The following SPAG16 variants were observed in gnomAD, a reference collection of about 807,000 sequenced individuals.
SPAG16 encodes sperm-associated antigen 16 protein.
In SPAG16, 86 loss-of-function variants were observed where a neutral mutation model predicts 80.4. The ratio of observed to expected loss-of-function variants is 1.07; its 90% confidence interval spans 0.90 to 1.28. SPAG16 has a LOEUF of 1.28. SPAG16 is among the 50% of genes most tolerant of loss of function. The pLI is 0.00. For synonymous variants in SPAG16, 294 were observed against 265.9 expected, an observed-to-expected ratio of 1.11 and a Z score of -1.03; for missense variants, 870 against 765.3, an observed-to-expected ratio of 1.14 and a Z score of -1.61.
intron 1 of SPAG16, among the ~76,000 whole-genome samples, chr2:213,291,625 T>C (rs1319000557): frequency 1.3e-5 from 2 of 152,240 alleles, no homozygotes; most frequent in Non-Finnish European, 2.9e-5. Context: ...TTACCTGTTA[T>C]TAATATAACA....
chr2:214,117,935 C>A (rs2054021723), intron 14 of SPAG16, among the ~76,000 whole-genome samples: 2 of 152,146 alleles, frequency 1.3e-5, no homozygotes, highest in African/African-American at 2.4e-5. Flanking sequence ...CCTCTAAAAT[C>A]TGGACTAAGA....
At position 214,410,175 on chromosome 2, in the gene SPAG16, A is replaced by T; in HGVS notation, c.1756A>T (p.Ile586Phe). Reference sequence around the variant, plus strand: ...AGCTCAGGCAAGTGGCAATGGTGTTATCCATTTGCTAGATCTTAAATCTGG... The same window carrying T: ...AGCTCAGGCAAGTGGCAATGGTGTTTTCCATTTGCTAGATCTTAAATCTGG... ...VLAQASGNGV[I>F]HLLDLKSGEI... The change falls in exon 16 of 16, where the codon ATC (isoleucine) becomes TTC (phenylalanine). Residue 586 changes from isoleucine to phenylalanine, a missense_variant. Coordinates refer to ENST00000331683, the MANE Select transcript of SPAG16 (RefSeq NM_024532.5). 6.2e-7 allele frequency: 1 copy of T among 1,613,824 alleles called. No individual in the cohort carries two copies. The highest frequency in any genetic ancestry group is 8.5e-7 in the Non-Finnish European group (1 of 1,179,748).
intron 10 of SPAG16, among the ~76,000 whole-genome samples, chr2:213,602,863 A>G (rs1353330521): frequency 6.6e-6 from 1 of 152,228 alleles, no homozygotes; most frequent in African/African-American, 2.4e-5. Flanking sequence ...TAATTGATTA[A>G]GAATGTATTC....
intron 15 of SPAG16, among the ~76,000 whole-genome samples, chr2:214,177,749 G>A (rs2057140510): frequency 1.3e-5 from 2 of 149,524 alleles, no homozygotes; most frequent in African/African-American, 4.9e-5. Context: ...TAGTACCTCT[G>A]CTAGTATCAA....
At chr2:214,158,629 G>A (rs1396620686) in intron 15 of SPAG16, among the ~76,000 whole-genome samples, 1 of 152,014 alleles carries the variant, frequency 6.6e-6, no homozygotes, top group Non-Finnish European at 1.5e-5. Context: ...TTATGCAGGT[G>A]CAGTCAAAGG....
intron 8 of SPAG16, among the ~76,000 whole-genome samples, chr2:213,369,730 T>G (rs2066528513): frequency 1.3e-5 from 2 of 152,192 alleles, no homozygotes; most frequent in African/African-American, 4.8e-5. Context: ...ATAAACTTTA[T>G]TTTTTAGAGC....
intron 15 of SPAG16, among the ~76,000 whole-genome samples, chr2:214,179,912 A>G (rs1371144525): frequency 6.6e-6 from 1 of 151,508 alleles, no homozygotes; most frequent in East Asian, 1.9e-4. Context: ...TTTTGGAAAA[A>G]CATGTAAATG....
At chr2:214,180,839 C>G (rs2057288128) in intron 15 of SPAG16, among the ~76,000 whole-genome samples, 1 of 151,636 alleles carries the variant, frequency 6.6e-6, no homozygotes, top group African/African-American at 2.4e-5. Context: ...TCTGAAAGTT[C>G]TCACATTGGG....
At chr2:213,703,379 G>C (rs1022991229) in intron 10 of SPAG16, among the ~76,000 whole-genome samples, 1 of 152,146 alleles carries the variant, frequency 6.6e-6, no homozygotes, top group Non-Finnish European at 1.5e-5. Flanking sequence ...TACTCTTGTT[G>C]ATTCTCCAGC....
At chr2:213,366,654 C>T (rs1406974676) in intron 8 of SPAG16, among the ~76,000 whole-genome samples, 1 of 152,152 alleles carries the variant, frequency 6.6e-6, no homozygotes, top group African/African-American at 2.4e-5. Context: ...CCTGGTCCCT[C>T]CCTTGACACA....
At chr2:213,979,353 T>A (rs1458361074) in intron 12 of SPAG16, among the ~76,000 whole-genome samples, 1 of 152,080 alleles carries the variant, frequency 6.6e-6, no homozygotes, top group East Asian at 1.9e-4. Context: ...CCAAGACAAT[T>A]GAAACCTAAC....
intron 15 of SPAG16, among the ~76,000 whole-genome samples, chr2:214,185,940 A>G (rs2057454373): frequency 6.6e-6 from 1 of 152,088 alleles, no homozygotes; most frequent in Non-Finnish European, 1.5e-5. Flanking sequence ...AACTGTTAGC[A>G]ACCTATCTCC....
chr2:213,841,906 A>G (rs2074380981), intron 10 of SPAG16, among the ~76,000 whole-genome samples: 1 of 152,064 alleles, frequency 6.6e-6, no homozygotes, highest in Admixed American at 6.6e-5. Context: ...ATTTCCCTTA[A>G]TTGTAAGAAG....
intron 15 of SPAG16, among the ~76,000 whole-genome samples, chr2:214,257,794 ATGT>A (rs2125863474): frequency 6.6e-6 from 1 of 152,214 alleles, no homozygotes; most frequent in East Asian, 1.9e-4. Context: ...ATATTTGTAA[ATGT>A]TGTATTAATG....
At chr2:213,991,913 G>A (rs1425320821) in intron 12 of SPAG16, among the ~76,000 whole-genome samples, 1 of 149,430 alleles carries the variant, frequency 6.7e-6, no homozygotes, top group Non-Finnish European at 1.5e-5. Context: ...GTGATTCACG[G>A]GCACTGCTGT....
intron 1 of SPAG16, among the ~76,000 whole-genome samples, chr2:213,290,304 C>A (rs756779959): frequency 2.0e-5 from 3 of 152,208 alleles, no homozygotes; most frequent in Non-Finnish European, 2.9e-5. Context: ...GAGCCTCAGT[C>A]TGTGTCTAGG....
intron 15 of SPAG16, among the ~76,000 whole-genome samples, chr2:214,170,740 T>C (rs923067220): frequency 2.6e-5 from 4 of 152,042 alleles, no homozygotes; most frequent in African/African-American, 7.2e-5. Context: ...GTCCTGTAGC[T>C]TGAAACAGTG....
At chr2:213,687,746 C>G (rs2064753998) in intron 10 of SPAG16, among the ~76,000 whole-genome samples, 1 of 151,992 alleles carries the variant, frequency 6.6e-6, no homozygotes, top group African/African-American at 2.4e-5. Flanking sequence ...CTTCATGTTT[C>G]TTGTGGTTGA....
intron 12 of SPAG16, among the ~76,000 whole-genome samples, chr2:213,941,111 A>T (rs1575604965): frequency 6.6e-6 from 1 of 152,148 alleles, no homozygotes; most frequent in African/African-American, 2.4e-5. Flanking sequence ...CTTATATTCT[A>T]GATATTGTTC....
Sources: gnomAD v4.1 joint callset for allele counts (sites outside exome capture counted in the v4.1 genomes callset) on GRCh38, gnomAD v4.1.1 for gene constraint, MANE v1.5 for transcripts, NCBI Gene and HGNC (gene_info 2026-07-23, HGNC 2026-07-21) for gene names.